LRRC8C: variants seen among roughly 807,000 people sequenced by gnomAD.
The protein encoded by LRRC8C is volume-regulated anion channel subunit LRRC8C.
Under a neutral mutation model 55.3 loss-of-function variants are expected in LRRC8C, and 20 were observed. The observed-to-expected ratio is 0.36, with a 90% confidence interval of 0.25 to 0.53. The LOEUF is 0.53. Ranked by LOEUF, LRRC8C falls within the 20% of genes least tolerant of loss-of-function variation. The probability of loss-of-function intolerance (pLI) is 0.92; values close to 1 mark genes in which losing one functional copy is unlikely to be tolerated. For synonymous variants in LRRC8C, 376 were observed against 360.7 expected (o/e 1.04, Z -0.48); for missense variants, 659 against 951.4 (o/e 0.69, Z 4.04).
intron 2 of LRRC8C, among the ~76,000 whole-genome samples, chr1:89,710,988 C>T (rs947525541): frequency 4.6e-5 from 7 of 152,052 alleles, no homozygotes; most frequent in Non-Finnish European, 7.4e-5. Context: ...TGATGTCATC[C>T]GATTAAGATG....
At position 89,713,608 on chromosome 1, in the gene LRRC8C, A is replaced by C; in HGVS notation, c.1038A>C (p.Leu346=). The C allele has an allele frequency of 6.2e-7, 1 of 1,614,120 alleles. No individual in the cohort carries two copies. Among genetic ancestry groups the C allele is most frequent in the African/African-American group, 1.3e-5 (1 of 75,030 alleles). The change falls in exon 3 of 3, where the codon CTA becomes CTC. Residue 346 remains leucine, a synonymous_variant. Transcript: ENST00000370454. This position sits in a 1 kb window ranked among gnomAD's most constrained non-coding sequence, Gnocchi z 5.2. ...TATACTGGCTGTTCTACCGTTCTCT[A>C]CGGGAATATTCCTTTGAGTATGTCC... is the stretch of plus-strand genomic sequence containing the variant. The part of the protein sequence containing the change: ...YTLYWLFYRS[L]REYSFEYVRQ...
the LRRC8C span, among the ~76,000 whole-genome samples, chr1:89,622,570 C>T: frequency 6.6e-6 from 1 of 151,896 alleles, no homozygotes; most frequent in African/African-American, 2.4e-5. Context: ...CCTGACCTTG[C>T]GATCCGCCCG....
chr1:89,621,473 A>G, the LRRC8C span, among the ~76,000 whole-genome samples: 1 of 152,112 alleles, frequency 6.6e-6, no homozygotes, highest in African/African-American at 2.4e-5. Context: ...TCTCAAAAAA[A>G]AATTCCTTTC....
chr1:89,622,969 T>C, the LRRC8C span, among the ~76,000 whole-genome samples: 3 of 152,182 alleles, frequency 2.0e-5, no homozygotes, highest in East Asian at 5.8e-4. Context: ...ATCTGGAGCA[T>C]TTTACAAGCT....
chr1:89,667,851 A>G (rs1209246567), intron 1 of LRRC8C, among the ~76,000 whole-genome samples: 1 of 152,184 alleles, frequency 6.6e-6, no homozygotes, highest in East Asian at 1.9e-4. Flanking sequence ...AAGTTTACCT[A>G]AAGTATTTTC....
intron 2 of LRRC8C, among the ~76,000 whole-genome samples, chr1:89,687,026 G>C (rs1657904021): frequency 2.6e-5 from 4 of 152,170 alleles, no homozygotes; most frequent in Non-Finnish European, 5.9e-5. Flanking sequence ...ATTTTGATGA[G>C]ATATCATTAT....
intron 2 of LRRC8C, among the ~76,000 whole-genome samples, chr1:89,690,382 G>T (rs1276989135): frequency 6.6e-6 from 1 of 152,134 alleles, no homozygotes; most frequent in African/African-American, 2.4e-5. Context: ...GAGAAGGTTA[G>T]ATTTGGGGTG....
intron 1 of LRRC8C, among the ~76,000 whole-genome samples, chr1:89,646,348 T>C (rs1046399671): frequency 6.6e-6 from 1 of 152,092 alleles, no homozygotes; most frequent in African/African-American, 2.4e-5. Context: ...ATTTGACAAC[T>C]TAAATGGGAA....
chr1:89,692,530 A>C (rs1658053549), intron 2 of LRRC8C, among the ~76,000 whole-genome samples: 1 of 152,238 alleles, frequency 6.6e-6, no homozygotes, highest in Non-Finnish European at 1.5e-5. Flanking sequence ...TCTTTCTTGC[A>C]CTTATGTAAA....
At chr1:89,636,543 CT>C (rs1444814069) in intron 1 of LRRC8C, among the ~76,000 whole-genome samples, 1 of 151,948 alleles carries the variant, frequency 6.6e-6, no homozygotes. Flanking sequence ...ACATACTTTC[CT>C]TTTTTCTGCC....
intron 1 of LRRC8C, among the ~76,000 whole-genome samples, chr1:89,660,169 T>C (rs181973860): frequency 2.0e-4 from 30 of 152,262 alleles, no homozygotes; most frequent in Non-Finnish European, 3.5e-4. Context: ...TAACCAAAGA[T>C]GTGATATTAA....
At chr1:89,637,521 A>G (rs10801757) in intron 1 of LRRC8C, among the ~76,000 whole-genome samples, 83,971 of 150,912 alleles carry the variant, frequency 0.56, 23,741 homozygotes, top group East Asian at 0.79. Context: ...AAATAAAGGA[A>G]GCATAACTAT....
chr1:89,638,967 A>T (rs1043798613), intron 1 of LRRC8C, among the ~76,000 whole-genome samples: 61 of 137,910 alleles, frequency 4.4e-4, no homozygotes, highest in African/African-American at 1.6e-3. Context: ...TATTTTACTT[A>T]TTATTTTATT....
At chr1:89,638,664 C>A (rs1218049917) in intron 1 of LRRC8C, among the ~76,000 whole-genome samples, 2 of 152,062 alleles carry the variant, frequency 1.3e-5, no homozygotes, top group Non-Finnish European at 2.9e-5. Flanking sequence ...ATAAAACATA[C>A]TTTATTGACC....
chr1:89,664,035 T>A (rs1657190045), intron 1 of LRRC8C, among the ~76,000 whole-genome samples: 1 of 152,236 alleles, frequency 6.6e-6, no homozygotes, highest in South Asian at 2.1e-4. Context: ...CTTTGTCAGA[T>A]GAATAGATTG....
intron 2 of LRRC8C, among the ~76,000 whole-genome samples, chr1:89,709,505 G>A (rs1658583115): frequency 6.6e-6 from 1 of 152,160 alleles, no homozygotes; most frequent in African/African-American, 2.4e-5. Context: ...GGGCACCCTG[G>A]TACAGTGCAT....
In LRRC8C at chr1:89,686,717, C is replaced by G. The variant is rs1418165137; in HGVS notation, c.138+106C>G. The stretch of plus-strand genomic sequence containing the variant: ...GATTTTTAACCATGTAAGTATTAGT[C>G]ACTGTTCTCTGTGGATGTATTTGTA... On this transcript the variant is annotated intron_variant, in intron 2 of 2. Coordinates refer to ENST00000370454, the MANE Select transcript of LRRC8C (RefSeq NM_032270.5). 9.5e-6 allele frequency: 12 copies of G among 1,262,640 alleles called. No individual in the cohort carries two copies. The East Asian group carries it at 2.1e-4, about 22-fold the overall frequency. 78.2% of individuals were successfully genotyped at this position (1,262,640 alleles called of 1,614,324 possible).
intron 1 of LRRC8C, among the ~76,000 whole-genome samples, chr1:89,678,204 G>A (rs956417190): frequency 1.3e-5 from 2 of 152,166 alleles, no homozygotes; most frequent in African/African-American, 4.8e-5. Context: ...AATAAAAATT[G>A]CAAAAGCAAT....
intron 1 of LRRC8C, among the ~76,000 whole-genome samples, chr1:89,654,003 C>T (rs770234999): frequency 8.6e-5 from 13 of 151,924 alleles, no homozygotes; most frequent in African/African-American, 1.5e-4. Context: ...CAATGGATGA[C>T]TGGATAAAGA....
Sources: allele counts gnomAD v4.1 joint callset (sites outside exome capture counted in the v4.1 genomes callset), GRCh38; gene constraint gnomAD v4.1.1; non-coding constraint Gnocchi (gnomAD v3.1); transcripts MANE v1.5; gene names NCBI Gene and HGNC (gene_info 2026-07-23, HGNC 2026-07-21).